The following EYS variants were observed in gnomAD, a reference collection of about 807,000 sequenced individuals.
The protein encoded by EYS is EGF-like photoreceptor maintenance factor, also known as protein eyes shut homolog.
In EYS, 250 loss-of-function variants were observed where a neutral mutation model predicts 282.1. The ratio of observed to expected loss-of-function variants is 0.89; its 90% CI spans 0.80 to 0.98. The LOEUF is 0.98. Among genes scored for constraint, EYS ranks in the 50% least tolerant of loss-of-function variants. EYS has a pLI of 0.00. For synonymous variants in EYS, 1,355 were observed against 1,282.9 expected, an observed-to-expected ratio of 1.06 and a Z score of -1.20; for missense variants, 4,016 against 3,709.0, an observed-to-expected ratio of 1.08 and a Z score of -2.15.
At chr6:65,126,388 T>C (rs1242197882) in intron 12 of EYS, among the ~76,000 whole-genome samples, 1 of 152,182 alleles carries the variant, frequency 6.6e-6, no homozygotes, top group Non-Finnish European at 1.5e-5. Flanking sequence ...CTTATGTCAA[T>C]GCTAACTCTA....
At chr6:64,371,258 A>AT (rs1039610969) in intron 29 of EYS, among the ~76,000 whole-genome samples, 4 of 145,552 alleles carry the variant, frequency 2.7e-5, no homozygotes, top group Non-Finnish European at 4.5e-5. Flanking sequence ...TTTCTGACTT[A>AT]TTTTTTTGTT....
At chr6:65,609,335 C>T (rs1228708475) in intron 2 of EYS, among the ~76,000 whole-genome samples, 1 of 49,514 alleles carries the variant, frequency 2.0e-5, no homozygotes, top group South Asian at 7.3e-4. Context: ...TCCAAGATAG[C>T]CAAAAAAAAA....
rs573625686 is a variant in EYS, at chr6:64,967,328, A to AT, written c.2260-21415dup. 7.5e-3 allele frequency among the ~76,000 whole-genome samples: 1,070 copies of AT among 143,156 alleles called. 5 individuals are homozygous for AT. Among genetic ancestry groups the AT allele is most frequent in the African/African-American group, 0.017 (681 of 39,238 alleles). 93.9% of individuals were successfully genotyped at this position (143,156 alleles called of 152,430 possible). On this transcript the variant is annotated intron_variant, in intron 14 of 42. Coordinates refer to ENST00000503581, the MANE Select transcript of EYS (RefSeq NM_001142800.2). ...CACTGTAGTCTGAGATCAAAACTCC[A>AT]TTTTTTTTTTTTTTAAGACAGAGTC...
intron 14 of EYS, among the ~76,000 whole-genome samples, chr6:64,988,986 A>G (rs1770958490): frequency 3.3e-5 from 5 of 151,498 alleles, no homozygotes; most frequent in Non-Finnish European, 7.4e-5. Context: ...GGTGCACCAT[A>G]GTTAAATCAT....
At chr6:63,740,237 G>A (rs997611284) in intron 41 of EYS, among the ~76,000 whole-genome samples, 3 of 152,040 alleles carry the variant, frequency 2.0e-5, no homozygotes, top group East Asian at 3.9e-4. Flanking sequence ...ATTGAGTCAT[G>A]GGGGCAGGTC....
chr6:64,157,863 C>T (rs899877140), intron 31 of EYS, among the ~76,000 whole-genome samples: 2 of 152,160 alleles, frequency 1.3e-5, no homozygotes, highest in East Asian at 1.9e-4. Flanking sequence ...AATGTGGGGT[C>T]GGAGCCCCCA....
chr6:64,580,233 TA>T (rs2149823667), intron 26 of EYS, among the ~76,000 whole-genome samples: 1 of 152,270 alleles, frequency 6.6e-6, no homozygotes, highest in East Asian at 1.9e-4. Flanking sequence ...TTATGTCTAT[TA>T]ACATATAACT....
At chr6:64,532,791 C>T (rs914905312) in intron 26 of EYS, among the ~76,000 whole-genome samples, 24 of 152,204 alleles carry the variant, frequency 1.6e-4, no homozygotes, top group Middle Eastern at 3.4e-3. Context: ...TTCTTTCCCA[C>T]ACAACGTTCA....
chr6:64,498,750 G>GT (rs1776958802), intron 26 of EYS, among the ~76,000 whole-genome samples: 1 of 151,988 alleles, frequency 6.6e-6, no homozygotes, highest in African/African-American at 2.4e-5. Context: ...GTTTGCTGAG[G>GT]ATGATGGTTT....
intron 22 of EYS, among the ~76,000 whole-genome samples, chr6:64,809,750 A>G (rs1764539433): frequency 6.6e-6 from 1 of 152,030 alleles, no homozygotes; most frequent in African/African-American, 2.4e-5. Context: ...TACGTTCTCC[A>G]TATAAGTGGG....
At chr6:65,202,945 G>A (rs1765939827) in intron 12 of EYS, among the ~76,000 whole-genome samples, 1 of 152,118 alleles carries the variant, frequency 6.6e-6, no homozygotes, top group Non-Finnish European at 1.5e-5. Flanking sequence ...ACCTGCTAAG[G>A]TTGGTACTTG....
intron 26 of EYS, among the ~76,000 whole-genome samples, chr6:64,524,288 A>C (rs1161055957): frequency 6.6e-6 from 1 of 151,770 alleles, no homozygotes; most frequent in East Asian, 1.9e-4. Context: ...CTCAGCTATA[A>C]ATTTAAAATC....
chr6:63,908,019 T>G, intron 35 of EYS, among the ~76,000 whole-genome samples: 1 of 102,200 alleles, frequency 9.8e-6, no homozygotes, highest in African/African-American at 5.1e-5. Context: ...AACGTATATA[T>G]ATATATATAT....
intron 28 of EYS, among the ~76,000 whole-genome samples, chr6:64,395,865 A>G (rs1561970832): frequency 6.6e-6 from 1 of 152,140 alleles, no homozygotes; most frequent in Non-Finnish European, 1.5e-5. Flanking sequence ...CCAACAATCA[A>G]TGCCATTCTG....
intron 12 of EYS, among the ~76,000 whole-genome samples, chr6:65,292,839 G>C (rs1368668956): frequency 6.6e-6 from 1 of 151,686 alleles, no homozygotes; most frequent in African/African-American, 2.4e-5. Context: ...TGTTGCCAAG[G>C]TAACTTAGAC....
intron 14 of EYS, among the ~76,000 whole-genome samples, chr6:64,988,976 G>A (rs902283929): frequency 1.3e-5 from 2 of 151,354 alleles, no homozygotes; most frequent in African/African-American, 4.8e-5. Context: ...AGAAACACTA[G>A]GTGCACCATA....
intron 31 of EYS, among the ~76,000 whole-genome samples, chr6:64,092,702 T>G (rs1246867207): frequency 2.0e-5 from 3 of 151,732 alleles, no homozygotes; most frequent in Admixed American, 6.6e-5. Context: ...ATTTTGTAGG[T>G]TGCCTGTTCA....
intron 31 of EYS, among the ~76,000 whole-genome samples, chr6:64,229,126 T>A (rs935718637): frequency 1.3e-5 from 2 of 152,082 alleles, no homozygotes; most frequent in Non-Finnish European, 2.9e-5. Flanking sequence ...AATACAAAAG[T>A]TAGCTGGGTG....
At position 64,166,737 on chromosome 6, in the gene EYS, C is replaced by T. The variant is rs188945423; in HGVS notation, c.6424+63855G>A. ...ATGTTTATGTTCTTTCATTCAACTT[C>T]GGAGTGAATTACAAAAATTAATTGG... On this transcript the variant is annotated intron_variant, in intron 31 of 42. Coordinates refer to ENST00000503581, the MANE Select transcript of EYS (RefSeq NM_001142800.2). Among the ~76,000 whole-genome samples, 82 of 152,282 alleles carry T rather than the reference C, an allele frequency of 5.4e-4. 1 individual carries two copies. The Middle Eastern group carries it at 0.017, about 32-fold the overall frequency.
Sources: allele counts gnomAD v4.1 joint callset (sites outside exome capture counted in the v4.1 genomes callset), GRCh38; gene constraint gnomAD v4.1.1; transcripts MANE v1.5; gene names NCBI Gene and HGNC (gene_info 2026-07-23, HGNC 2026-07-21).